The following CASP4 variants were observed in gnomAD, a reference collection of about 807,000 sequenced individuals.
The protein encoded by CASP4 is caspase-4.
A neutral mutation model predicts 41.3 loss-of-function variants in CASP4; 29 were observed. That is an observed-to-expected ratio of 0.70 (90% confidence interval 0.52 to 0.96). The LOEUF (loss-of-function observed/expected upper bound fraction) is 0.96. Ranked by LOEUF, CASP4 falls within the 40% of genes least tolerant of loss-of-function variation. The pLI, the probability that CASP4 is intolerant of heterozygous loss-of-function variation, is 0.00. For missense variants in CASP4, 447 were observed against 460.6 expected (o/e 0.97, Z 0.27); for synonymous variants, 185 against 158.4 (o/e 1.17, Z -1.26).
At chr11:104,956,247 A>G (rs776403710) in intron 1 of CASP4, among the ~76,000 whole-genome samples, 1 of 152,078 alleles carries the variant, frequency 6.6e-6, no homozygotes, top group Non-Finnish European at 1.5e-5. Flanking sequence ...GGTAGTTATT[A>G]TATTCCCTAT....
At chr11:104,966,320 C>T (rs1251238521) in intron 1 of CASP4, among the ~76,000 whole-genome samples, 1 of 152,156 alleles carries the variant, frequency 6.6e-6, no homozygotes, top group Non-Finnish European at 1.5e-5. Flanking sequence ...CCTATCCATT[C>T]AGGTATATTT....
intron 1 of CASP4, among the ~76,000 whole-genome samples, chr11:104,965,713 T>C (rs1290219370): frequency 2.6e-5 from 4 of 152,194 alleles, no homozygotes; most frequent in African/African-American, 9.6e-5. Context: ...CAGTCTCCCT[T>C]TGCAGGACTA....
chr11:104,966,336 G>A (rs1860975405), intron 1 of CASP4, among the ~76,000 whole-genome samples: 1 of 152,168 alleles, frequency 6.6e-6, no homozygotes, highest in Non-Finnish European at 1.5e-5. Context: ...TATTTAATGA[G>A]CATAAATTCT....
At chr11:104,960,426 T>A (rs1860832859) in intron 1 of CASP4, among the ~76,000 whole-genome samples, 1 of 152,040 alleles carries the variant, frequency 6.6e-6, no homozygotes, top group Admixed American at 6.6e-5. Flanking sequence ...TAGGGCACCT[T>A]GTATCTCCTT....
chr11:104,945,871 G>A (rs1231326036), intron 7 of CASP4, among the ~76,000 whole-genome samples: 1 of 150,836 alleles, frequency 6.6e-6, no homozygotes. Flanking sequence ...TTTTAAGACA[G>A]GGTCTTACTC....
chr11:104,958,091 T>C (rs1860775311), intron 1 of CASP4, among the ~76,000 whole-genome samples: 1 of 152,020 alleles, frequency 6.6e-6, no homozygotes, highest in South Asian at 2.1e-4. Context: ...TAAAACCACA[T>C]GCAGAAGAAT....
At position 104,952,024 on chromosome 11, in the gene CASP4, C is replaced by T. The variant is rs188298553; in HGVS notation, c.263-19G>A. 1 of 1,495,196 alleles carries T rather than the reference C, an allele frequency of 6.7e-7. No individual in the cohort carries two copies. The highest frequency in any genetic ancestry group is 9.3e-7 in the Non-Finnish European group (1 of 1,074,456). The allele number at this position is 1,495,196 out of a possible 1,614,324, so 92.6% of individuals were successfully genotyped here. A position where few individuals can be genotyped will look rare whatever the true frequency, so the allele number is the denominator to read the frequency against. On this transcript the variant is annotated intron_variant, in intron 2 of 8. Coordinates refer to ENST00000444739, the MANE Select transcript of CASP4 (RefSeq NM_001225.4). ...GGATGAGCTGCAGGATATTGCAGAACATAAATTGTGATTTCTGCCTCTGTG... is the reference window on the plus strand; with the variant it reads ...GGATGAGCTGCAGGATATTGCAGAATATAAATTGTGATTTCTGCCTCTGTG...
intron 7 of CASP4, chr11:104,946,824 T>G (rs1860472527): frequency 4.2e-6 from 1 of 238,504 alleles, no homozygotes; most frequent in Non-Finnish European, 8.1e-6. Flanking sequence ...TCAAAATATT[T>G]TTCCTTCTCT....
chr11:104,956,501 A>T (rs1860740600), intron 1 of CASP4: 1 of 197,632 alleles, frequency 5.1e-6, no homozygotes, highest in Non-Finnish European at 9.1e-6. Context: ...CAAATAATGT[A>T]AAAGAACACC....
At chr11:104,946,244 A>G (rs559636846) in intron 7 of CASP4, among the ~76,000 whole-genome samples, 2 of 152,254 alleles carry the variant, frequency 1.3e-5, no homozygotes, top group South Asian at 2.1e-4. Context: ...TAATTATACT[A>G]TTCTGTGTTA....
rs758984460 is a variant in CASP4, at chr11:104,949,791, A to G, written c.547-14T>C. 29 of 1,611,342 alleles carry G rather than the reference A, an allele frequency of 1.8e-5. No homozygotes were observed. The highest frequency in any genetic ancestry group is 2.4e-5 in the Non-Finnish European group (28 of 1,177,826). ...TGACTCCATATCCTGTAAAAGAGCAATGTCTAACTTCAGTCAGAGAAGCAT... is the reference window on the plus strand; with the variant it reads ...TGACTCCATATCCTGTAAAAGAGCAGTGTCTAACTTCAGTCAGAGAAGCAT... On this transcript the variant is annotated splice_polypyrimidine_tract_variant and intron_variant, in intron 4 of 8. Coordinates refer to ENST00000444739, the MANE Select transcript of CASP4 (RefSeq NM_001225.4).
chr11:104,946,986 C>A, intron 7 of CASP4, 97 bp downstream of exon 7: 1 of 840,748 alleles, frequency 1.2e-6, no homozygotes, highest in South Asian at 1.5e-5. Context: ...TCTCTACTTT[C>A]ACTTCCCTGA....
At chr11:104,952,790 C>G (rs117137087) in intron 2 of CASP4, among the ~76,000 whole-genome samples, 3,619 of 152,262 alleles carry the variant, frequency 0.024, 67 homozygotes, top group South Asian at 0.042. Flanking sequence ...GTAAAGCCAG[C>G]CAGTCTGAGC....
chr11:104,965,349 A>G (rs1423534660), intron 1 of CASP4, among the ~76,000 whole-genome samples: 1 of 152,182 alleles, frequency 6.6e-6, no homozygotes, highest in Non-Finnish European at 1.5e-5. Context: ...AAGTGGTTAC[A>G]TTCTTCTCAC....
chr11:104,949,806 CAG>C (rs760766259), intron 4 of CASP4, 29 bp from the exon 5 acceptor site: 4 of 1,600,228 alleles, frequency 2.5e-6, no homozygotes, highest in Non-Finnish European at 3.4e-6. Flanking sequence ...TAACTTCAGT[CAG>C]AGAAGCATCA....
Position 104,968,472 on chromosome 11 carries a change from GTT to G in CASP4, c.7+45_7+46del, listed in dbSNP as rs762541912. 2.2e-5 allele frequency: 34 copies of G among 1,549,684 alleles called. 1 individual carries two copies. The East Asian group carries it at 7.6e-4, about 35-fold the overall frequency. The stretch of plus-strand genomic sequence containing the variant: ...TTTATTTCAGAGCAATAAATCAAGT[GTT>G]TTCTAAGTTCCTACTCCCAAACTCC... On this transcript the variant is annotated intron_variant, in intron 1 of 8. Coordinates refer to ENST00000444739, the MANE Select transcript of CASP4 (RefSeq NM_001225.4).
chr11:104,951,847 G>A, intron 3 of CASP4, 49 bp downstream of exon 3: 4 of 1,235,342 alleles, frequency 3.2e-6, no homozygotes, highest in Non-Finnish European at 4.8e-6. Context: ...CTGAAGGAAA[G>A]CAATGATATC....
chr11:104,955,592 C>T (rs1385777732), intron 1 of CASP4, among the ~76,000 whole-genome samples: 1 of 151,990 alleles, frequency 6.6e-6, no homozygotes, highest in Admixed American at 6.6e-5. Flanking sequence ...TGGATGAGTG[C>T]ATCCATATTT....
At chr11:104,961,183 C>T (rs1171804129) in intron 1 of CASP4, among the ~76,000 whole-genome samples, 1 of 152,230 alleles carries the variant, frequency 6.6e-6, no homozygotes. Flanking sequence ...GGTACTCTCT[C>T]CACTGGCAGG....
Sources: gnomAD v4.1 joint callset for allele counts (sites outside exome capture counted in the v4.1 genomes callset) on GRCh38, gnomAD v4.1.1 for gene constraint, MANE v1.5 for transcripts, NCBI Gene and HGNC (gene_info 2026-07-23, HGNC 2026-07-21) for gene names.